Variants in DLGAP5 observed in about 807,000 individuals in gnomAD.
DLGAP5 encodes DLG associated protein 5.
DLGAP5 carries 90 observed loss-of-function variants against 99.6 expected under a neutral mutation model. That is an observed-to-expected ratio of 0.90 (90% confidence interval 0.76 to 1.08). DLGAP5 has a LOEUF of 1.08. Among genes scored for constraint, DLGAP5 ranks in the 50% least tolerant of loss-of-function variants. The pLI, the probability that DLGAP5 is intolerant of heterozygous loss-of-function variation, is 0.00. For synonymous variants in DLGAP5, 311 were observed against 321.3 expected (o/e 0.97, Z 0.34); for missense variants, 1,036 against 983.5 (o/e 1.05, Z -0.71).
At chr14:55,173,829 C>T (rs1882957056) in intron 10 of DLGAP5, among the ~76,000 whole-genome samples, 1 of 150,154 alleles carries the variant, frequency 6.7e-6, no homozygotes, top group Admixed American at 6.6e-5. Context: ...CTTGTGATTT[C>T]CTATGCCTGT....
intron 10 of DLGAP5, among the ~76,000 whole-genome samples, chr14:55,174,466 C>A (rs142593954): frequency 0.018 from 2,797 of 152,172 alleles, 77 homozygotes; most frequent in African/African-American, 0.06. Context: ...CACACCTATT[C>A]GCACACTCCC....
intron 4 of DLGAP5, among the ~76,000 whole-genome samples, chr14:55,182,113 T>C (rs1883296525): frequency 6.6e-6 from 1 of 152,220 alleles, no homozygotes; most frequent in Non-Finnish European, 1.5e-5. Flanking sequence ...TAACTTGGAA[T>C]GCATAATAGG....
At chr14:55,183,525 G>T in intron 3 of DLGAP5, 35 bp downstream of exon 3, 1 of 1,475,408 alleles carries the variant, frequency 6.8e-7, no homozygotes, top group Non-Finnish European at 9.0e-7. Context: ...CCAAATAAAA[G>T]AAACTATTCC....
intron 8 of DLGAP5, among the ~76,000 whole-genome samples, chr14:55,176,621 T>C (rs1389931413): frequency 2.6e-5 from 4 of 151,818 alleles, no homozygotes; most frequent in Admixed American, 1.3e-4. Context: ...AAGAAAAAAA[T>C]TGCATGATTC....
At position 55,177,129 on chromosome 14, in the gene DLGAP5, T is replaced by G; in HGVS notation, c.982A>C (p.Met328Leu). ...DGLKTYQVTP[M>L]TPRSANAFLT... Reference sequence around the variant, plus strand: ...AAAGCATTGGCACTTCTGGGAGTCATAGGTGTTACTTGATAGGTCTTCAGA... The same window carrying G: ...AAAGCATTGGCACTTCTGGGAGTCAGAGGTGTTACTTGATAGGTCTTCAGA... The change falls in exon 8 of 19, where the codon ATG becomes CTG. Residue 328 changes from methionine to leucine, a missense_variant. Physicochemically the swap from Met to Leu is conservative, Grantham distance 15. Transcript: ENST00000247191. 6.3e-7 allele frequency: 1 copy of G among 1,585,084 alleles called. No individual in the cohort carries two copies. The highest frequency in any genetic ancestry group is 2.3e-5 in the East Asian group (1 of 44,094).
At chr14:55,164,109 C>A (rs190132009) in intron 12 of DLGAP5, among the ~76,000 whole-genome samples, 84 of 152,176 alleles carry the variant, frequency 5.5e-4, no homozygotes, top group African/African-American at 1.8e-3. Context: ...AGTTTGGTAA[C>A]CATGCTTTTA....
intron 2 of DLGAP5, among the ~76,000 whole-genome samples, chr14:55,186,444 C>A (rs756911754): frequency 2.6e-5 from 4 of 152,150 alleles, no homozygotes; most frequent in Non-Finnish European, 5.9e-5. Context: ...AAATCAAGAA[C>A]CAAGTAAGAG....
intron 10 of DLGAP5, among the ~76,000 whole-genome samples, chr14:55,171,632 A>T (rs750531934): frequency 1.6e-4 from 25 of 152,210 alleles, no homozygotes; most frequent in Non-Finnish European, 4.4e-5. Context: ...TACACCCAAG[A>T]TAATTTAGAG....
chr14:55,182,386 T>C lies in DLGAP5; in HGVS notation c.479A>G (p.Gln160Arg). ...CAACTATACCTTAGTCTGCTCCATT[T>C]GGTCTTTGGCCTTTGACCTTGTAAT... is the stretch of plus-strand genomic sequence containing the variant. ...VRITRSKAKDQMEQTKIDNES... is the reference protein window; with the variant it reads ...VRITRSKAKDRMEQTKIDNES... The change falls in exon 4 of 19, where the codon CAA (glutamine) becomes CGA (arginine). Residue 160 changes from glutamine to arginine, a missense_variant. Transcript: ENST00000247191. The C allele has an allele frequency of 6.2e-7, 1 of 1,612,842 alleles. No homozygotes were observed.
rs757858372 is a variant in DLGAP5, at chr14:55,177,180, C to A, written c.931G>T (p.Asp311Tyr). 1.2e-6 allele frequency: 2 copies of A among 1,613,230 alleles called. No homozygotes were observed. Reference sequence around the variant, plus strand: ...CCATCCAGTGGCTGAAACATAAAATCCTTAGGTGCAAAGGAATTCTTCCCT... The same window carrying A: ...CCATCCAGTGGCTGAAACATAAAATACTTAGGTGCAAAGGAATTCTTCCCT... ...IKGKNSFAPK[D>Y]FMFQPLDGLK... Residue 311 changes from aspartate (D) to tyrosine (Y), a missense_variant, in exon 8 of 19, where the codon GAT becomes TAT. Transcript: ENST00000247191.
At chr14:55,173,285 A>C (rs577841200) in intron 10 of DLGAP5, among the ~76,000 whole-genome samples, 13,881 of 127,898 alleles carry the variant, frequency 0.11, 1,853 homozygotes, top group African/African-American at 0.49. Context: ...AAAAAAAAAA[A>C]AACAAAAAAA....
rs1480800546 is a variant in DLGAP5, at chr14:55,190,315, C to T, written c.-1-1135G>A. Among the ~76,000 whole-genome samples, 4 of 150,474 alleles carry T rather than the reference C, an allele frequency of 2.7e-5. No individual in the cohort carries two copies. The South Asian group carries it at 6.2e-4, about 23-fold the overall frequency. On this transcript the variant is annotated intron_variant, in intron 1 of 18. Coordinates refer to ENST00000247191, the MANE Select transcript of DLGAP5 (RefSeq NM_014750.5). ...ACACACACACACACACACACACACA[C>T]GCACAAAATCATATAGTTTAATTGG...
In DLGAP5 at chr14:55,189,075, T is replaced by C; in HGVS notation, c.105A>G (p.Arg35=). 1.2e-6 allele frequency: 2 copies of C among 1,613,990 alleles called. No homozygotes were observed. Among genetic ancestry groups the C allele is most frequent in the East Asian group, 2.2e-5 (1 of 44,824 alleles). ...HRKSLSQKEN[R]HKEYERNRHF... is the part of the protein sequence containing the mutation. ...GTCTATTTCGTTCGTATTCCTTATGTCTATTTTCTTTCTGAGACAGTGATT... is the reference window on the plus strand; with the variant it reads ...GTCTATTTCGTTCGTATTCCTTATGCCTATTTTCTTTCTGAGACAGTGATT... The change falls in exon 2 of 19, where the codon AGA becomes AGG. Residue 35 remains arginine (R), a synonymous_variant. Transcript: ENST00000247191.
intron 12 of DLGAP5, among the ~76,000 whole-genome samples, chr14:55,165,159 A>G (rs951035614): frequency 1.3e-5 from 2 of 152,202 alleles, no homozygotes; most frequent in Non-Finnish European, 2.9e-5. Context: ...TCTCAGTAAA[A>G]GATACATGAA....
In DLGAP5 at chr14:55,188,930, A is replaced by G. The variant is rs779624045; in HGVS notation, c.238+12T>C. On this transcript the variant is annotated intron_variant, in intron 2 of 18. Coordinates refer to ENST00000247191, the MANE Select transcript of DLGAP5 (RefSeq NM_014750.5). ...TTCAAAGTACTTAAAATTACAACAG[A>G]CCTTTACTTACTTGGCTTAACATTG... is the stretch of plus-strand genomic sequence containing the variant. The G allele has an allele frequency of 1.0e-5, 16 of 1,601,442 alleles. No homozygotes were observed. The South Asian group carries it at 1.7e-4, about 17-fold the overall frequency.
At chr14:55,170,066 C>CA (rs1200696969) in intron 11 of DLGAP5, among the ~76,000 whole-genome samples, 1 of 151,926 alleles carries the variant, frequency 6.6e-6, no homozygotes, top group African/African-American at 2.4e-5. Flanking sequence ...ACCCAGGAGG[C>CA]AGAGGTTGCA....
At chr14:55,174,652 C>A (rs991014711) in intron 10 of DLGAP5, among the ~76,000 whole-genome samples, 2 of 152,008 alleles carry the variant, frequency 1.3e-5, no homozygotes, top group Admixed American at 6.6e-5. Flanking sequence ...AAAGAACCTA[C>A]GTGAATATCA....
chr14:55,188,217 G>T (rs1038536653), intron 2 of DLGAP5, among the ~76,000 whole-genome samples: 1 of 152,144 alleles, frequency 6.6e-6, no homozygotes, highest in African/African-American at 2.4e-5. Flanking sequence ...TAGGAGTAGG[G>T]TGACTCCTGA....
chr14:55,175,114 T>C (rs540630485), intron 10 of DLGAP5, among the ~76,000 whole-genome samples: 1 of 152,360 alleles, frequency 6.6e-6, no homozygotes, highest in East Asian at 1.9e-4. Context: ...GTTCAAACTA[T>C]GTGGTTGGGT....
Sources: gnomAD v4.1 joint callset for allele counts (sites outside exome capture counted in the v4.1 genomes callset) on GRCh38, gnomAD v4.1.1 for gene constraint, MANE v1.5 for transcripts, NCBI Gene and HGNC (gene_info 2026-07-23, HGNC 2026-07-21) for gene names.